The following TTN variants were observed in gnomAD, a reference collection of about 807,000 sequenced individuals.
TTN encodes titin.
In TTN, 1,525 loss-of-function variants were observed where a neutral mutation model predicts 3,223.0. The ratio of observed to expected loss-of-function variants is 0.47; its 90% CI spans 0.45 to 0.49. The LOEUF (loss-of-function observed/expected upper bound fraction) is 0.49, where lower values mean the gene tolerates loss of function less well. Among genes scored for constraint, TTN ranks in the 20% least tolerant of loss-of-function variants. The pLI is 0.00. For synonymous variants in TTN, 14,094 were observed against 15,161.0 expected (o/e 0.93, Z 5.17); for missense variants, 40,786 against 43,424.0 (o/e 0.94, Z 5.40).
rs1268674194 is a variant in TTN at position 178,729,563 on chromosome 2, G to A, written c.18593C>T (p.Pro6198Leu). Residue 6198 changes from proline to leucine, a missense_variant, in exon 64 of 363, where the codon CCC (proline) becomes CTC (leucine). By Grantham distance (98) the Pro-to-Leu change is moderately conservative. Transcript: ENST00000589042. ...CTTCAGCTCTCTGATAAAGGTGGGGGGTTCTAAAGATTCAAAAGGAAGACA... is the reference window on the plus strand; with the variant it reads ...CTTCAGCTCTCTGATAAAGGTGGGGAGTTCTAAAGATTCAAAAGGAAGACA... ...SCSIELKVKE[P>L]PTFIRELKPV... 1.9e-6 allele frequency: 3 copies of A among 1,611,924 alleles called. No homozygotes were observed. The highest frequency in any genetic ancestry group is 2.2e-5 in the East Asian group (1 of 44,840).
chr2:178,713,948 C>A lies in TTN; in HGVS notation c.26710G>T (p.Val8904Leu). The part of the protein sequence containing the change: ...PSDSGVYSFE[V>L]QNPVGKDSCT... Reference sequence around the variant, plus strand: ...CTGTCTTTGCCAACAGGGTTCTGCACCTCAAAACTGTATACCCCACTGTCA... The same window carrying A: ...CTGTCTTTGCCAACAGGGTTCTGCAACTCAAAACTGTATACCCCACTGTCA... Residue 8904 changes from valine to leucine, a missense_variant, in exon 92 of 363, where the codon GTG (valine) becomes TTG (leucine). Transcript: ENST00000589042. 1 of 1,613,668 alleles carries A rather than the reference C, an allele frequency of 6.2e-7. No homozygotes were observed. Among genetic ancestry groups the A allele is most frequent in the Non-Finnish European group, 8.5e-7 (1 of 1,179,692 alleles).
chr2:178,776,094 T>C lies in TTN; in HGVS notation c.5770A>G (p.Lys1924Glu), dbSNP rs1327562179. 3.1e-6 allele frequency: 5 copies of C among 1,614,176 alleles called. No homozygotes were observed. Among genetic ancestry groups the C allele is most frequent in the Admixed American group, 3.3e-5 (2 of 60,018 alleles). The change falls in exon 28 of 363, where the codon AAA (lysine) becomes GAA (glutamate). Residue 1924 changes from lysine (K) to glutamate (E), a missense_variant. Transcript: ENST00000589042. Reference sequence around the variant, plus strand: ...CTCTGTTGAATCTCAAGCTTCACTTTATGCTCTATCACACCTTCAGGATTT... The same window carrying C: ...CTCTGTTGAATCTCAAGCTTCACTTCATGCTCTATCACACCTTCAGGATTT... ...AENPEGVIEH[K>E]VKLEIQQRED...
At chr2:178,652,369 T>G in intron 202 of TTN, 22 bp from the exon 203 acceptor site, 1 of 1,613,388 alleles carries the variant, frequency 6.2e-7, no homozygotes, top group Non-Finnish European at 8.5e-7. Context: ...ATAGTGAAAT[T>G]ACATTTAGGC....
Position 178,584,504 on chromosome 2 carries a change from G to T in TTN, c.65047C>A (p.Pro21683Thr), listed in dbSNP as rs528707403. ...ATGGGGCTCCCTCCATCACTATCTGGTCTGTCCCAAGCAACAAAAATACAG... is the reference window on the plus strand; with the variant it reads ...ATGGGGCTCCCTCCATCACTATCTGTTCTGTCCCAAGCAACAAAAATACAG... ...KDCIFVAWDRPDSDGGSPIIG... is the reference protein window; with the variant it reads ...KDCIFVAWDRTDSDGGSPIIG... Residue 21683 changes from proline (P) to threonine (T), a missense_variant, in exon 311 of 363, where the codon CCA (proline) becomes ACA (threonine). Transcript: ENST00000589042. 1.4e-4 allele frequency: 219 copies of T among 1,613,148 alleles called. No homozygotes were observed. The highest frequency in any genetic ancestry group is 1.8e-4 in the Non-Finnish European group (215 of 1,179,518).
rs1430516736 is a variant in TTN, at chr2:178,734,921, G to A, written c.15003C>T (p.Leu5001=). The A allele has an allele frequency of 6.2e-7, 1 of 1,611,630 alleles. No individual in the cohort carries two copies. Among genetic ancestry groups the A allele is most frequent in the African/African-American group, 1.3e-5 (1 of 74,910 alleles). The change falls in exon 51 of 363, where the codon CTC becomes CTT. Residue 5001 remains leucine (L), a synonymous_variant. Transcript: ENST00000589042. ...YLMLPGESAR[L]HCKLKGSPVI... ...CAGGTGAGCCTTTCAGCTTGCAATG[G>A]AGGCGTGCTGATTCACCTGGGAGCA...
rs539380120 is a variant in TTN at position 178,630,221 on chromosome 2, G to A, written c.44281+20C>T. On this transcript the variant is annotated intron_variant, in intron 239 of 362. Coordinates refer to ENST00000589042, the MANE Select transcript of TTN (RefSeq NM_001267550.2). Reference sequence around the variant, plus strand: ...GAAAAAGTGTTTATTTAATTTCCCTGAAAAATATACAATACTTACGCTTAA... The same window carrying A: ...GAAAAAGTGTTTATTTAATTTCCCTAAAAAATATACAATACTTACGCTTAA... The A allele has an allele frequency of 1.2e-6, 2 of 1,610,754 alleles. No homozygotes were observed. Among genetic ancestry groups the A allele is most frequent in the African/African-American group, 2.7e-5 (2 of 74,856 alleles).
At position 178,682,900 on chromosome 2, in the gene TTN, A is replaced by T. The variant is rs751328329; in HGVS notation, c.32891T>A (p.Val10964Glu). The change falls in exon 135 of 363, where the codon GTA (valine) becomes GAA (glutamate). Residue 10964 changes from valine to glutamate, a missense_variant. Coordinates refer to ENST00000589042, the MANE Select transcript of TTN (RefSeq NM_001267550.2). Reference sequence around the variant, plus strand: ...CCTTTCTTTCTCTTCCATTATAGTTACTTCTGAAACAATATTAACAACAGG... The same window carrying T: ...CCTTTCTTTCTCTTCCATTATAGTTTCTTCTGAAACAATATTAACAACAGG... ...PKREPQPIKE[V>E]TIMEEKERAY... 6.3e-7 allele frequency: 1 copy of T among 1,596,296 alleles called. No individual in the cohort carries two copies. The highest frequency in any genetic ancestry group is 8.5e-7 in the Non-Finnish European group (1 of 1,172,600).
intron 111 of TTN, among the ~76,000 whole-genome samples, chr2:178,699,657 C>A (rs1167624760): frequency 1.4e-5 from 2 of 146,294 alleles, no homozygotes; most frequent in East Asian, 3.9e-4. Flanking sequence ...GTGATCCGCC[C>A]GCCTCGGCCT....
At position 178,588,820 on chromosome 2, in the gene TTN, G is replaced by C. The variant is rs1176453673; in HGVS notation, c.62905C>G (p.Pro20969Ala). 3.7e-6 allele frequency: 6 copies of C among 1,613,242 alleles called. No homozygotes were observed. The African/African-American group carries it at 4.0e-5, about 11-fold the overall frequency. Reference protein sequence around the residue: ...TKYDKPGRPDPPEVTKVSKEE... With the variant: ...TKYDKPGRPDAPEVTKVSKEE... ...TTGCTTACTTTAGTGACTTCTGGGG[G>C]ATCAGGGCGACCAGGTTTATCATAC... The change falls in exon 304 of 363, where the codon CCC becomes GCC. Residue 20969 changes from proline to alanine, a missense_variant. Transcript: ENST00000589042.
Position 178,741,540 on chromosome 2 carries a change from T to C in TTN, c.11693A>G (p.Tyr3898Cys), listed in dbSNP as rs747933911. The change falls in exon 48 of 363, where the codon TAT (tyrosine) becomes TGT (cysteine). Residue 3898 changes from tyrosine (Y) to cysteine (C), a missense_variant. Physicochemically the swap from Tyr to Cys is radical, Grantham distance 194. Coordinates refer to ENST00000589042, the MANE Select transcript of TTN (RefSeq NM_001267550.2). ...GEYTCMASND[Y>C]GKTICSAYLK... ...ATAGGCACTACATATTGTCTTTCCA[T>C]AGTCATTACTGGCCATACATGTATA... 6.2e-7 allele frequency: 1 copy of C among 1,613,886 alleles called. No individual in the cohort carries two copies. The highest frequency in any genetic ancestry group is 8.5e-7 in the Non-Finnish European group (1 of 1,179,822).
intron 349 of TTN, 48 bp downstream of exon 349, chr2:178,542,216 A>G (rs975746232): frequency 6.5e-7 from 1 of 1,533,434 alleles, no homozygotes; most frequent in African/African-American, 1.4e-5. Context: ...TTTTGTTAAC[A>G]TTCAGAATCA....
chr2:178,574,353 G>C lies in TTN; in HGVS notation c.71779C>G (p.Pro23927Ala). 3.7e-6 allele frequency: 6 copies of C among 1,613,524 alleles called. No homozygotes were observed. Among genetic ancestry groups the C allele is most frequent in the Non-Finnish European group, 5.1e-6 (6 of 1,179,658 alleles). ...EPMLALDPIDPPGKPVPLNIT... is the reference protein window; with the variant it reads ...EPMLALDPIDAPGKPVPLNIT... ...TTTAGAGGTACTGGTTTTCCAGGTG[G>C]GTCAATGGGATCCAGAGCCAACATA... is the stretch of plus-strand genomic sequence containing the variant. The change falls in exon 326 of 363, where the codon CCA (proline) becomes GCA (alanine). Residue 23927 changes from proline to alanine, a missense_variant. Coordinates refer to ENST00000589042, the MANE Select transcript of TTN (RefSeq NM_001267550.2).
rs776642838 is a variant in TTN, at chr2:178,576,552, G to A, written c.69692C>T (p.Ser23231Phe). Reference protein sequence around the residue: ...GIGPPSEASDSVLMKDAAYPP... With the variant: ...GIGPPSEASDFVLMKDAAYPP... ...ACATGCTGCATCTTTCATCAGAACA[G>A]AATCTGAAGCCTCACTGGGTGGACC... is the stretch of plus-strand genomic sequence containing the variant. The change falls in exon 325 of 363, where the codon TCT (serine) becomes TTT (phenylalanine). Residue 23231 changes from serine to phenylalanine, a missense_variant. Ser to Phe is a radical substitution (Grantham distance 155). Transcript: ENST00000589042. This position sits in a 1 kb window ranked among gnomAD's most constrained non-coding sequence, Gnocchi z 4.3. 1.2e-6 allele frequency: 2 copies of A among 1,613,488 alleles called. No individual in the cohort carries two copies. Among genetic ancestry groups the A allele is most frequent in the Non-Finnish European group, 1.7e-6 (2 of 1,179,630 alleles).
rs749141783 is a variant in TTN, at chr2:178,579,631, T to C, written c.67566A>G (p.Arg22522=). 6.2e-7 allele frequency: 1 copy of C among 1,613,392 alleles called. No homozygotes were observed. The highest frequency in any genetic ancestry group is 1.7e-5 in the Admixed American group (1 of 59,990). The change falls in exon 319 of 363, where the codon AGA becomes AGG. Residue 22522 remains arginine, a synonymous_variant. Transcript: ENST00000589042. The part of the protein sequence containing the change: ...DLTEGKEYTF[R]VSAENENGEG... ...CTCCATTTTCATTCTCAGCACTCAC[T>C]CTGAAGGTATATTCCTTCCCTTCAG...
At chr2:178,660,897 T>G (rs2064628360) in intron 180 of TTN, among the ~76,000 whole-genome samples, 1 of 131,288 alleles carries the variant, frequency 7.6e-6, no homozygotes, top group South Asian at 2.9e-4. Flanking sequence ...AAAAAGACAT[T>G]TATGCAGCCA....
chr2:178,540,222 G>A lies in TTN; in HGVS notation c.97944C>T (p.Thr32648=), dbSNP rs367773598. 2.9e-5 allele frequency: 47 copies of A among 1,613,602 alleles called. No homozygotes were observed. The highest frequency in any genetic ancestry group is 3.9e-5 in the Non-Finnish European group (46 of 1,179,778). Residue 32648 remains threonine (T), a synonymous_variant, in exon 351 of 363, where the codon ACC becomes ACT. Transcript: ENST00000589042. The part of the protein sequence containing the change: ...EMQKVDQHEW[T]KCNTTPTKIR... ...TCTTGGTTGGAGTGGTGTTACACTT[G>A]GTCCATTCATGTTGATCTACTTTTT...
intron 147 of TTN, among the ~76,000 whole-genome samples, chr2:178,676,419 T>G (rs1227493230): frequency 6.6e-6 from 1 of 151,940 alleles, no homozygotes; most frequent in Non-Finnish European, 1.5e-5. Flanking sequence ...AGGGTTATGC[T>G]GATTTTAAGC....
chr2:178,618,129 A>G (rs1175309895), intron 252 of TTN, 48 bp from the exon 253 acceptor site: 1 of 1,610,170 alleles, frequency 6.2e-7, no homozygotes, highest in Non-Finnish European at 8.5e-7. Context: ...GGTAACGATG[A>G]TGAAGGCAAA....
Position 178,531,924 on chromosome 2 carries a change from C to G in TTN, c.104691G>C (p.Ser34897=). Residue 34897 remains serine (S), a synonymous_variant, in exon 358 of 363, where the codon TCG becomes TCC. Transcript: ENST00000589042. ...CAAATCTTGCAGACCTCTCAAATCT[C>G]GAGAGTGATCTCTCACTAGACACAG... ...PSPVSSERSL[S]RFERSARFDI... 2 of 1,612,936 alleles carry G rather than the reference C, an allele frequency of 1.2e-6. No homozygotes were observed. The highest frequency in any genetic ancestry group is 1.3e-5 in the African/African-American group (1 of 75,010).
Sources: gnomAD v4.1 joint callset for allele counts (sites outside exome capture counted in the v4.1 genomes callset) on GRCh38, gnomAD v4.1.1 for gene constraint, Gnocchi (gnomAD v3.1) non-coding constraint, MANE v1.5 for transcripts, NCBI Gene and HGNC (gene_info 2026-07-23, HGNC 2026-07-21) for gene names.